The following KIF26B variants were observed in gnomAD, a reference collection of about 807,000 sequenced individuals.
The protein encoded by KIF26B is kinesin family member 26B.
KIF26B carries 63 observed loss-of-function variants against 151.2 expected under a neutral mutation model. The ratio of observed to expected loss-of-function variants is 0.42; its 90% CI spans 0.34 to 0.51. The LOEUF is 0.51. Ranked by LOEUF, KIF26B falls within the 20% of genes least tolerant of loss-of-function variation. The pLI is 0.07. For missense variants in KIF26B, 2,813 were observed against 2,913.6 expected, an observed-to-expected ratio of 0.97 and a Z score of 0.79; for synonymous variants, 1,357 against 1,262.1, an observed-to-expected ratio of 1.08 and a Z score of -1.59.
At chr1:245,419,467 G>C (rs1349085530) in intron 3 of KIF26B, 112 bp from the exon 4 acceptor site, 2 of 935,514 alleles carry the variant, frequency 2.1e-6, no homozygotes, top group South Asian at 1.8e-5. Context: ...ATGCAGGTGG[G>C]ATAGAAACCT....
At chr1:245,555,561 G>C (rs535870002) in intron 5 of KIF26B, among the ~76,000 whole-genome samples, 4 of 152,318 alleles carry the variant, frequency 2.6e-5, no homozygotes, top group African/African-American at 9.6e-5. Context: ...TCAGATGAAG[G>C]GGGTGCTGGG....
At chr1:245,552,127 GTGTGT>G (rs1558211155) in intron 5 of KIF26B, among the ~76,000 whole-genome samples, 1 of 66,828 alleles carries the variant, frequency 1.5e-5, no homozygotes, top group East Asian at 4.8e-4. Context: ...AGCAGGGTGT[GTGTGT>G]GTGTGTGTGT....
intron 2 of KIF26B, among the ~76,000 whole-genome samples, chr1:245,171,961 C>A (rs1369076302): frequency 1.3e-5 from 2 of 152,200 alleles, no homozygotes; most frequent in Non-Finnish European, 1.5e-5. Flanking sequence ...AGCTCCCATC[C>A]CAAACTGCCA....
At chr1:245,545,031 A>G (rs1478463840) in intron 5 of KIF26B, among the ~76,000 whole-genome samples, 1 of 152,052 alleles carries the variant, frequency 6.6e-6, no homozygotes, top group Non-Finnish European at 1.5e-5. Flanking sequence ...AGGCATGCAC[A>G]CGCACATGCG....
At position 245,705,806 on chromosome 1, in the gene KIF26B, T is replaced by C. The variant is rs2044833580; in HGVS notation, c.*3200T>C. 1.3e-5 allele frequency: 2 copies of C among 152,314 alleles called. No individual in the cohort carries two copies. The highest frequency in any genetic ancestry group is 4.2e-4 in the South Asian group (2 of 4,818). The allele number at this position is 152,314 out of a possible 1,614,324, so 9.4% of individuals were successfully genotyped here. A position where few individuals can be genotyped will look rare whatever the true frequency, so the allele number is the denominator to read the frequency against. On this transcript the variant is annotated 3_prime_UTR_variant, in exon 15 of 15. Transcript: ENST00000407071. Reference sequence around the variant, plus strand: ...TGAGGAGCGAGAGTTTGCTTTATCATGGGCTTTCAGTTCCCACCTGCGAGC... The same window carrying C: ...TGAGGAGCGAGAGTTTGCTTTATCACGGGCTTTCAGTTCCCACCTGCGAGC...
intron 10 of KIF26B, among the ~76,000 whole-genome samples, chr1:245,666,278 A>C (rs2044213409): frequency 6.6e-6 from 1 of 152,166 alleles, no homozygotes; most frequent in Non-Finnish European, 1.5e-5. Flanking sequence ...ATAACCTCAT[A>C]TGTTCCTAGA....
At chr1:245,383,810 T>C (rs757360083) in intron 3 of KIF26B, among the ~76,000 whole-genome samples, 4 of 152,156 alleles carry the variant, frequency 2.6e-5, no homozygotes, top group Non-Finnish European at 5.9e-5. Flanking sequence ...TGCTGTCCAC[T>C]AATAAGTGTC....
intron 2 of KIF26B, among the ~76,000 whole-genome samples, chr1:245,161,210 G>A (rs1188113867): frequency 6.6e-6 from 1 of 152,176 alleles, no homozygotes; most frequent in East Asian, 1.9e-4. Flanking sequence ...AACATTTTGG[G>A]AGTTTATAAA....
intron 5 of KIF26B, among the ~76,000 whole-genome samples, chr1:245,546,978 A>G (rs919129560): frequency 1.3e-5 from 2 of 152,202 alleles, no homozygotes; most frequent in African/African-American, 2.4e-5. Flanking sequence ...CTTGGGGAAA[A>G]TGTTCTGACT....
chr1:245,684,415 G>C lies in KIF26B; in HGVS notation c.2421+20G>C, dbSNP rs776544989. ...ACGAAGGTAAGGAGCTCGCGGGGTG[G>C]GGGGGTGGTGGATGAGGGAGCCTTT... On this transcript the variant is annotated intron_variant, in intron 11 of 14. Coordinates refer to ENST00000407071, the MANE Select transcript of KIF26B (RefSeq NM_018012.4). 4.5e-6 allele frequency: 7 copies of C among 1,548,732 alleles called. No individual in the cohort carries two copies. Among genetic ancestry groups the C allele is most frequent in the South Asian group, 1.2e-5 (1 of 86,116 alleles).
At chr1:245,245,816 A>G (rs1670318036) in intron 2 of KIF26B, among the ~76,000 whole-genome samples, 1 of 151,828 alleles carries the variant, frequency 6.6e-6, no homozygotes, top group Admixed American at 6.6e-5. Context: ...AATCCCAGCT[A>G]TTCAGGAGGC....
At chr1:245,478,554 A>C (rs1436219249) in intron 4 of KIF26B, among the ~76,000 whole-genome samples, 2 of 149,546 alleles carry the variant, frequency 1.3e-5, no homozygotes, top group Admixed American at 1.3e-4. Context: ...CAGCCTCCCG[A>C]GTAGCTGGGA....
chr1:245,549,168 AT>A (rs1273130582), intron 5 of KIF26B, among the ~76,000 whole-genome samples: 2 of 152,124 alleles, frequency 1.3e-5, no homozygotes, highest in Non-Finnish European at 2.9e-5. Context: ...AAGAAAGATA[AT>A]TTTTATAAGG....
chr1:245,511,144 A>G (rs951751740), intron 4 of KIF26B: 1 of 717,182 alleles, frequency 1.4e-6, no homozygotes, highest in Admixed American at 2.0e-5. Context: ...TAACGCAGTT[A>G]TATATGTTGC....
At chr1:245,484,806 T>C (rs1478457099) in intron 4 of KIF26B, among the ~76,000 whole-genome samples, 1 of 151,392 alleles carries the variant, frequency 6.6e-6, no homozygotes, top group African/African-American at 2.4e-5. Flanking sequence ...CTTTTAATTC[T>C]TCAAAGGAGA....
intron 4 of KIF26B, among the ~76,000 whole-genome samples, chr1:245,480,274 C>CA (rs1553278223): frequency 2.7e-5 from 4 of 148,512 alleles, no homozygotes; most frequent in South Asian, 2.2e-4. Flanking sequence ...GACCCTGTCT[C>CA]GGGGGGGAGG....
At chr1:245,298,641 T>C (rs755123414) in intron 2 of KIF26B, among the ~76,000 whole-genome samples, 8 of 152,218 alleles carry the variant, frequency 5.3e-5, no homozygotes, top group Non-Finnish European at 1.0e-4. Context: ...AATGGTTAAA[T>C]TGATAACTCT....
At chr1:245,216,072 AT>A (rs1444393802) in intron 2 of KIF26B, 1 of 151,992 alleles carries the variant, frequency 6.6e-6, no homozygotes, top group Non-Finnish European at 1.5e-5. Context: ...TAAAAAAAAA[AT>A]TAATTAATTA....
intron 9 of KIF26B, 78 bp downstream of exon 9, chr1:245,612,054 T>TTTTG (rs2043529555): frequency 3.1e-6 from 2 of 647,350 alleles, no homozygotes; most frequent in African/African-American, 5.2e-5. Flanking sequence ...ACCATGACCT[T>TTTTG]TGTGTGTGTG....
Sources: allele counts gnomAD v4.1 joint callset (sites outside exome capture counted in the v4.1 genomes callset), GRCh38; gene constraint gnomAD v4.1.1; transcripts MANE v1.5; gene names NCBI Gene and HGNC (gene_info 2026-07-23, HGNC 2026-07-21).